The following HIVEP3 variants were observed in gnomAD, a reference collection of about 807,000 sequenced individuals.
The protein encoded by HIVEP3 is transcription factor HIVEP3.
Under a neutral mutation model 152.8 loss-of-function variants are expected in HIVEP3, and 49 were observed. The observed-to-expected ratio is 0.32, with a 90% CI of 0.26 to 0.41. HIVEP3 has a LOEUF of 0.41. Ranked by LOEUF, HIVEP3 falls within the 10% of genes least tolerant of loss-of-function variation. HIVEP3 has a pLI of 1.00. For missense variants in HIVEP3, 2,790 were observed against 3,103.3 expected (o/e 0.90, Z 2.40); for synonymous variants, 1,269 against 1,289.0 (o/e 0.98, Z 0.33).
intron 1 of HIVEP3, among the ~76,000 whole-genome samples, chr1:41,838,483 G>A (rs1453727634): frequency 1.3e-5 from 2 of 152,046 alleles, no homozygotes; most frequent in African/African-American, 4.8e-5. Context: ...CCTCATATCC[G>A]CTTGTGGTCG....
intron 1 of HIVEP3, among the ~76,000 whole-genome samples, chr1:41,810,155 A>C (rs576734502): frequency 6.6e-6 from 1 of 152,330 alleles, no homozygotes; most frequent in Non-Finnish European, 1.5e-5. Flanking sequence ...AGCTGCCCAC[A>C]AGACCTGGAC....
chr1:41,980,353 T>C (rs1023273192), intron 1 of HIVEP3, among the ~76,000 whole-genome samples: 10 of 152,188 alleles, frequency 6.6e-5, no homozygotes, highest in African/African-American at 2.4e-4. Flanking sequence ...GGGATATTCA[T>C]CCAATAGAAT....
Position 41,522,991 on chromosome 1 carries a change from G to A in HIVEP3, c.5383+1744C>T, listed in dbSNP as rs891892033. Among the ~76,000 whole-genome samples the A allele has an allele frequency of 2.0e-5, 3 of 152,254 alleles. No individual in the cohort carries two copies. In the South Asian group the frequency reaches 6.2e-4, roughly 32 times the overall value. On this transcript the variant is annotated intron_variant, in intron 6 of 8. Transcript: ENST00000372583. Reference sequence around the variant, plus strand: ...ACAGAAAGGAAGATGATGGGGTGATGCCCTGGAGCTCGGGGCCCGTGTTCT... The same window carrying A: ...ACAGAAAGGAAGATGATGGGGTGATACCCTGGAGCTCGGGGCCCGTGTTCT...
At chr1:41,953,047 C>T (rs922891597) in intron 1 of HIVEP3, among the ~76,000 whole-genome samples, 1 of 152,138 alleles carries the variant, frequency 6.6e-6, no homozygotes, top group Admixed American at 6.5e-5. Context: ...CACATGGGTC[C>T]GTGACACTGC....
chr1:41,642,639 G>T (rs1341393884), intron 2 of HIVEP3, among the ~76,000 whole-genome samples: 1 of 152,232 alleles, frequency 6.6e-6, no homozygotes, highest in Non-Finnish European at 1.5e-5. Flanking sequence ...CTGAGGACAG[G>T]ACTGGGATGT....
intron 1 of HIVEP3, among the ~76,000 whole-genome samples, chr1:41,898,541 T>C (rs1317277053): frequency 1.3e-5 from 2 of 152,248 alleles, no homozygotes; most frequent in Non-Finnish European, 2.9e-5. Context: ...AGGGCTGAGA[T>C]GCATCTTCAG....
At chr1:41,966,865 C>T (rs531746065) in intron 1 of HIVEP3, among the ~76,000 whole-genome samples, 2 of 151,952 alleles carry the variant, frequency 1.3e-5, no homozygotes, top group East Asian at 3.9e-4. Flanking sequence ...ATTTACCAAG[C>T]AAATGGAAAG....
intron 1 of HIVEP3, among the ~76,000 whole-genome samples, chr1:41,748,524 T>C (rs1054484189): frequency 1.3e-5 from 2 of 152,194 alleles, no homozygotes; most frequent in African/African-American, 4.8e-5. Context: ...AGTAACATCA[T>C]CATGACTGTC....
intron 5 of HIVEP3, among the ~76,000 whole-genome samples, chr1:41,530,790 C>A (rs1372094721): frequency 6.6e-6 from 1 of 152,226 alleles, no homozygotes; most frequent in Non-Finnish European, 1.5e-5. Flanking sequence ...TCTCCGACCC[C>A]TTCATTTCCT....
chr1:41,681,206 G>C (rs1646033582), intron 2 of HIVEP3, among the ~76,000 whole-genome samples: 1 of 152,098 alleles, frequency 6.6e-6, no homozygotes, highest in Admixed American at 6.5e-5. Context: ...GGGTTGTCCT[G>C]CTTCAGCCTC....
intron 1 of HIVEP3, among the ~76,000 whole-genome samples, chr1:42,032,099 C>T (rs576094777): frequency 3.9e-5 from 6 of 152,296 alleles, no homozygotes; most frequent in South Asian, 2.1e-4. Flanking sequence ...AACAGAATCC[C>T]CTAAAAGGAC....
chr1:41,707,171 C>T (rs1274821026), intron 1 of HIVEP3, among the ~76,000 whole-genome samples: 2 of 152,234 alleles, frequency 1.3e-5, no homozygotes, highest in South Asian at 2.1e-4. Flanking sequence ...TCTGCAGGAC[C>T]TCTGGGGCTT....
rs1038990905 is a variant in HIVEP3, at chr1:41,698,664, GCCATGCCTTTCTCCACTGGGGCCCCATGA to G, written c.-721+2223_-721+2251del. ...CCCAACACATCCTGGTGTTTCCCGT[GCCATGCCTTTCTCCACTGGGGCCCCATGA>G]CCCCACTGCTGATCTAAGAACTCCC... On this transcript the variant is annotated intron_variant, in intron 2 of 8. Transcript: ENST00000372583. Among the ~76,000 whole-genome samples the G allele has an allele frequency of 1.2e-4, 18 of 152,234 alleles. No individual in the cohort carries two copies. In the East Asian group the frequency reaches 3.5e-3, roughly 29 times the overall value.
chr1:41,562,114 T>C (rs911781374), intron 5 of HIVEP3, among the ~76,000 whole-genome samples: 1 of 152,236 alleles, frequency 6.6e-6, no homozygotes, highest in African/African-American at 2.4e-5. Context: ...CATGTTATCT[T>C]ACTATTAGTT....
intron 1 of HIVEP3, among the ~76,000 whole-genome samples, chr1:41,805,096 G>C (rs1431005633): frequency 1.3e-5 from 2 of 152,198 alleles, no homozygotes; most frequent in South Asian, 2.1e-4. Context: ...CAGCACTTTG[G>C]GAGGCTGAGG....
chr1:41,715,486 G>C (rs60474564), intron 1 of HIVEP3, among the ~76,000 whole-genome samples: 1 of 152,266 alleles, frequency 6.6e-6, no homozygotes, highest in South Asian at 2.1e-4. Context: ...CCAGCCAACT[G>C]TTTGTCAGGG....
At chr1:41,745,058 T>C (rs1333617968) in intron 1 of HIVEP3, among the ~76,000 whole-genome samples, 1 of 152,154 alleles carries the variant, frequency 6.6e-6, no homozygotes, top group Non-Finnish European at 1.5e-5. Flanking sequence ...AACCTGGGGG[T>C]CCCAGCACTA....
chr1:41,553,468 G>A (rs184144782), intron 5 of HIVEP3, among the ~76,000 whole-genome samples: 39 of 152,312 alleles, frequency 2.6e-4, no homozygotes, highest in African/African-American at 9.4e-4. Context: ...GACAGTCTGT[G>A]TCTTTTAATT....
intron 5 of HIVEP3, among the ~76,000 whole-genome samples, chr1:41,531,819 G>A (rs1643264375): frequency 4.7e-5 from 3 of 64,368 alleles, no homozygotes; most frequent in Admixed American, 1.5e-4. Flanking sequence ...GAGAGATGGA[G>A]GACAGGGGAG....
Sources: allele counts gnomAD v4.1 joint callset (sites outside exome capture counted in the v4.1 genomes callset), GRCh38; gene constraint gnomAD v4.1.1; transcripts MANE v1.5; gene names NCBI Gene and HGNC (gene_info 2026-07-23, HGNC 2026-07-21).